The following FUT8 variants were observed in gnomAD, a reference collection of about 807,000 sequenced individuals.
FUT8 encodes alpha-(1,6)-fucosyltransferase.
FUT8 carries 29 observed loss-of-function variants against 71.3 expected under a neutral mutation model. That is an observed-to-expected ratio of 0.41 (90% CI 0.30 to 0.55). The LOEUF is 0.55. Ranked by LOEUF, FUT8 falls within the 20% of genes least tolerant of loss-of-function variation. The pLI is 0.34. For synonymous variants in FUT8, 254 were observed against 239.3 expected, an observed-to-expected ratio of 1.06 and a Z score of -0.57; for missense variants, 544 against 702.1, an observed-to-expected ratio of 0.77 and a Z score of 2.55.
chr14:65,690,906 A>G (rs1027137340), intron 7 of FUT8, among the ~76,000 whole-genome samples: 1 of 151,852 alleles, frequency 6.6e-6, no homozygotes, highest in Non-Finnish European at 1.5e-5. Flanking sequence ...TCGTACTTTT[A>G]GTAGAGATGG....
intron 1 of FUT8, among the ~76,000 whole-genome samples, chr14:65,432,841 C>T (rs989314539): frequency 1.3e-5 from 2 of 152,120 alleles, no homozygotes; most frequent in Admixed American, 6.5e-5. Context: ...TAATCCACCC[C>T]TTATTTACCG....
At chr14:65,548,375 TAA>T (rs1462545835) in intron 2 of FUT8, among the ~76,000 whole-genome samples, 1 of 152,084 alleles carries the variant, frequency 6.6e-6, no homozygotes, top group African/African-American at 2.4e-5. Flanking sequence ...AACATACATT[TAA>T]GATTCATTTT....
At chr14:65,670,248 G>A (rs1892411707) in intron 7 of FUT8, among the ~76,000 whole-genome samples, 1 of 152,100 alleles carries the variant, frequency 6.6e-6, no homozygotes, top group African/African-American at 2.4e-5. Flanking sequence ...AAGATCTAAA[G>A]TTGGGCTACC....
At chr14:65,543,029 G>A (rs1191214123) in intron 2 of FUT8, among the ~76,000 whole-genome samples, 9 of 152,228 alleles carry the variant, frequency 5.9e-5, no homozygotes, top group Admixed American at 1.3e-4. Context: ...TGATCTGCCC[G>A]CCTCGACCTC....
At chr14:65,411,991 CG>C (rs1161457499), upstream of FUT8, 3 of 455,998 alleles carry the variant, frequency 6.6e-6, no homozygotes, top group Non-Finnish European at 1.3e-5. Flanking sequence ...CGAGTCCGAG[CG>C]GGTAGGACGC....
chr14:65,548,568 A>G (rs1461391853), intron 2 of FUT8, among the ~76,000 whole-genome samples: 1 of 152,004 alleles, frequency 6.6e-6, no homozygotes, highest in Non-Finnish European at 1.5e-5. Flanking sequence ...GTGGAAAAAT[A>G]TGCTTTCATT....
intron 6 of FUT8, among the ~76,000 whole-genome samples, chr14:65,659,640 C>T (rs1891864403): frequency 6.6e-6 from 1 of 152,016 alleles, no homozygotes; most frequent in African/African-American, 2.4e-5. Flanking sequence ...GCTAACTATT[C>T]ATAGGCATGC....
At chr14:65,468,284 T>G (rs913603907) in intron 2 of FUT8, 1 of 623,028 alleles carries the variant, frequency 1.6e-6, no homozygotes, top group Non-Finnish European at 3.0e-6. Context: ...ACTCCATGTT[T>G]ACTAAAAGGC....
At chr14:65,446,443 C>T (rs983701805) in intron 1 of FUT8, among the ~76,000 whole-genome samples, 8 of 152,296 alleles carry the variant, frequency 5.3e-5, no homozygotes, top group African/African-American at 9.6e-5. Flanking sequence ...ATACTCACTA[C>T]TTAGATGGAT....
chr14:65,531,743 T>C (rs1705748618), intron 2 of FUT8, among the ~76,000 whole-genome samples: 1 of 152,092 alleles, frequency 6.6e-6, no homozygotes, highest in South Asian at 2.1e-4. Flanking sequence ...TACCCAATAG[T>C]TATGTTTTCT....
chr14:65,440,617 A>C (rs569450423), intron 1 of FUT8, among the ~76,000 whole-genome samples: 1 of 152,158 alleles, frequency 6.6e-6, no homozygotes, highest in East Asian at 1.9e-4. Context: ...TACACAATAC[A>C]TATGTGTAAC....
chr14:65,440,950 A>C (rs1254968614), intron 1 of FUT8, among the ~76,000 whole-genome samples: 2 of 152,220 alleles, frequency 1.3e-5, no homozygotes, highest in African/African-American at 4.8e-5. Flanking sequence ...ACAATTTATA[A>C]CTGTGGAATT....
upstream of FUT8, among the ~76,000 whole-genome samples, chr14:65,407,805 TTCTA>T (rs2065093437): frequency 6.6e-6 from 1 of 152,186 alleles, no homozygotes; most frequent in Non-Finnish European, 1.5e-5. Flanking sequence ...TGCAAGGGTT[TTCTA>T]TCTGTCTGCC....
chr14:65,593,096 T>A (rs1056619248), intron 3 of FUT8, among the ~76,000 whole-genome samples: 1 of 152,334 alleles, frequency 6.6e-6, no homozygotes, highest in Middle Eastern at 3.4e-3. Flanking sequence ...GCTCTAATGA[T>A]GTTTATAATC....
At chr14:65,445,575 C>T (rs975357438) in intron 1 of FUT8, among the ~76,000 whole-genome samples, 1 of 152,118 alleles carries the variant, frequency 6.6e-6, no homozygotes, top group African/African-American at 2.4e-5. Context: ...ACTGTATACT[C>T]CTACTTCCTC....
intron 2 of FUT8, among the ~76,000 whole-genome samples, chr14:65,539,912 A>G (rs186673829): frequency 6.6e-6 from 1 of 152,368 alleles, no homozygotes; most frequent in Admixed American, 6.5e-5. Flanking sequence ...ATGAGTCCCA[A>G]CATTCTTTTA....
chr14:65,572,483 C>G (rs150334256), intron 3 of FUT8, among the ~76,000 whole-genome samples: 6 of 152,310 alleles, frequency 3.9e-5, no homozygotes, highest in African/African-American at 1.4e-4. Flanking sequence ...GTTCATCTTG[C>G]TTCATATTCC....
At chr14:65,498,267 C>G (rs1241792281) in intron 2 of FUT8, among the ~76,000 whole-genome samples, 3 of 152,098 alleles carry the variant, frequency 2.0e-5, no homozygotes, top group Non-Finnish European at 4.4e-5. Flanking sequence ...AAATCTTACT[C>G]AAAGGAACCA....
At chr14:65,493,299 T>G (rs534989285) in intron 2 of FUT8, among the ~76,000 whole-genome samples, 4 of 152,162 alleles carry the variant, frequency 2.6e-5, no homozygotes, top group Non-Finnish European at 5.9e-5. Flanking sequence ...TATCATGTAA[T>G]GCAGACCACT....
Sources: gnomAD v4.1 joint callset for allele counts (sites outside exome capture counted in the v4.1 genomes callset) on GRCh38, gnomAD v4.1.1 for gene constraint, MANE v1.5 for transcripts, NCBI Gene and HGNC (gene_info 2026-07-23, HGNC 2026-07-21) for gene names.